FCHSD2: variants seen among roughly 807,000 people sequenced by gnomAD.
FCHSD2 encodes F-BAR and double SH3 domains protein 2.
A neutral mutation model predicts 108.1 loss-of-function variants in FCHSD2; 38 were observed. The ratio of observed to expected loss-of-function variants is 0.35; its 90% CI spans 0.27 to 0.46. The LOEUF (loss-of-function observed/expected upper bound fraction) is 0.46. Ranked by LOEUF, FCHSD2 falls within the 20% of genes least tolerant of loss-of-function variation. The pLI is 1.00. For synonymous variants in FCHSD2, 279 were observed against 314.7 expected, an observed-to-expected ratio of 0.89 and a Z score of 1.20; for missense variants, 751 against 897.8, an observed-to-expected ratio of 0.84 and a Z score of 2.09.
chr11:73,096,603 G>T (rs1234182741), intron 2 of FCHSD2, among the ~76,000 whole-genome samples: 1 of 152,048 alleles, frequency 6.6e-6, no homozygotes, highest in Non-Finnish European at 1.5e-5. Flanking sequence ...CTTCCAGATA[G>T]AATTATAGAA....
At chr11:73,076,462 T>C (rs1188469582) in intron 3 of FCHSD2, among the ~76,000 whole-genome samples, 9 of 152,172 alleles carry the variant, frequency 5.9e-5, no homozygotes, top group Admixed American at 5.9e-4. Flanking sequence ...TACCATATGA[T>C]TACATTTGTA....
intron 9 of FCHSD2, among the ~76,000 whole-genome samples, chr11:72,910,735 C>T (rs189690609): frequency 2.6e-5 from 4 of 151,422 alleles, no homozygotes; most frequent in Non-Finnish European, 5.9e-5. Flanking sequence ...CCTTTGTTCA[C>T]GTGTTTATCT....
At chr11:72,889,972 A>T in intron 10 of FCHSD2, 27 bp from the exon 11 acceptor site, 1 of 1,389,346 alleles carries the variant, frequency 7.2e-7, no homozygotes, top group Non-Finnish European at 1.0e-6. Context: ...AACAGAGATA[A>T]AAATATTGCT....
At chr11:73,101,308 T>C (rs2135533172) in intron 2 of FCHSD2, among the ~76,000 whole-genome samples, 1 of 152,368 alleles carries the variant, frequency 6.6e-6, no homozygotes, top group East Asian at 1.9e-4. Context: ...TTTATTCATC[T>C]GTAGAATGTT....
chr11:72,886,516 A>G (rs925299798), intron 12 of FCHSD2, among the ~76,000 whole-genome samples: 30 of 152,274 alleles, frequency 2.0e-4, no homozygotes, highest in African/African-American at 6.7e-4. Context: ...ATGCTTTACC[A>G]TCTTAGTGAT....
intron 3 of FCHSD2, among the ~76,000 whole-genome samples, chr11:73,071,067 A>G (rs1277467971): frequency 6.6e-6 from 1 of 152,190 alleles, no homozygotes; most frequent in African/African-American, 2.4e-5. Context: ...TGTTTTCCAT[A>G]AATGCCTCCT....
At chr11:72,996,798 A>G (rs1857526485) in intron 5 of FCHSD2, among the ~76,000 whole-genome samples, 1 of 152,198 alleles carries the variant, frequency 6.6e-6, no homozygotes, top group Non-Finnish European at 1.5e-5. Context: ...TTTTTAAAAA[A>G]CTGCCAGCAT....
intron 2 of FCHSD2, among the ~76,000 whole-genome samples, chr11:73,131,209 C>T (rs1170896185): frequency 6.6e-6 from 1 of 151,576 alleles, no homozygotes; most frequent in African/African-American, 2.4e-5. Context: ...TAACGAAATC[C>T]CATCTCTATA....
chr11:72,909,895 G>A (rs1296577586), intron 9 of FCHSD2, among the ~76,000 whole-genome samples: 2 of 148,888 alleles, frequency 1.3e-5, no homozygotes, highest in Non-Finnish European at 3.0e-5. Flanking sequence ...CATCTGGGAA[G>A]TGAGGAGCAC....
At chr11:73,065,793 C>T (rs533635586) in intron 3 of FCHSD2, among the ~76,000 whole-genome samples, 9 of 152,212 alleles carry the variant, frequency 5.9e-5, no homozygotes, top group African/African-American at 1.9e-4. Context: ...ATCCAACTTA[C>T]AAGGGATGTG....
At chr11:72,982,435 C>T (rs1428669652) in intron 8 of FCHSD2, among the ~76,000 whole-genome samples, 1 of 152,126 alleles carries the variant, frequency 6.6e-6, no homozygotes, top group East Asian at 1.9e-4. Flanking sequence ...AAGAACAATA[C>T]ATTTGAGGGG....
intron 3 of FCHSD2, among the ~76,000 whole-genome samples, chr11:73,074,690 G>C (rs1478101871): frequency 1.3e-5 from 2 of 152,152 alleles, no homozygotes; most frequent in Non-Finnish European, 2.9e-5. Flanking sequence ...TTCCACATGA[G>C]ATTACAGAGA....
chr11:73,100,164 G>A (rs1485301522), intron 2 of FCHSD2, among the ~76,000 whole-genome samples: 1 of 152,158 alleles, frequency 6.6e-6, no homozygotes, highest in South Asian at 2.1e-4. Flanking sequence ...AGCTCTCTTT[G>A]TGAACACACC....
At chr11:73,098,244 T>C (rs1860136974) in intron 2 of FCHSD2, among the ~76,000 whole-genome samples, 1 of 152,204 alleles carries the variant, frequency 6.6e-6, no homozygotes, top group African/African-American at 2.4e-5. Context: ...GTTTTGGTAT[T>C]GTATATTTTT....
intron 8 of FCHSD2, chr11:72,940,798 G>A (rs919714949): frequency 2.9e-5 from 25 of 851,554 alleles, no homozygotes; most frequent in African/African-American, 4.9e-5. Flanking sequence ...CCTTCAGTGC[G>A]TTGCAGAGGA....
chr11:72,890,855 A>T (rs1459575100), intron 10 of FCHSD2, among the ~76,000 whole-genome samples: 1 of 152,174 alleles, frequency 6.6e-6, no homozygotes, highest in Non-Finnish European at 1.5e-5. Context: ...CTAAATTCTT[A>T]AAGACCCAAG....
At chr11:73,051,919 C>A (rs185211439) in intron 3 of FCHSD2, among the ~76,000 whole-genome samples, 3 of 149,694 alleles carry the variant, frequency 2.0e-5, no homozygotes, top group Non-Finnish European at 4.5e-5. Flanking sequence ...ACACACACCC[C>A]ACACACACTG....
chr11:72,909,098 G>A (rs1014411919), intron 9 of FCHSD2, among the ~76,000 whole-genome samples: 8 of 151,626 alleles, frequency 5.3e-5, no homozygotes, highest in South Asian at 2.1e-4. Context: ...CGATACTGCC[G>A]TGATCTCAGC....
intron 19 of FCHSD2, among the ~76,000 whole-genome samples, chr11:72,839,427 C>G (rs1468870178): frequency 6.6e-6 from 1 of 152,140 alleles, no homozygotes; most frequent in Non-Finnish European, 1.5e-5. Flanking sequence ...GGATCAGAGG[C>G]AAGCAAGAGT....
Sources: allele counts gnomAD v4.1 joint callset (sites outside exome capture counted in the v4.1 genomes callset), GRCh38; gene constraint gnomAD v4.1.1; transcripts MANE v1.5; gene names NCBI Gene and HGNC (gene_info 2026-07-23, HGNC 2026-07-21).